NXPE2: variants seen among roughly 807,000 people sequenced by gnomAD.
NXPE2 encodes neurexophilin and PC-esterase domain family member 2, also known as NXPE family member 2.
Under a neutral mutation model 34.4 loss-of-function variants are expected in NXPE2, and 34 were observed. The ratio of observed to expected loss-of-function variants is 0.99; its 90% CI spans 0.75 to 1.31. NXPE2 has a LOEUF of 1.31. NXPE2 is among the 40% of genes most tolerant of loss of function. NXPE2 has a pLI of 0.00. For synonymous variants in NXPE2, 235 were observed against 231.3 expected (o/e 1.02, Z -0.15); for missense variants, 649 against 672.5 (o/e 0.97, Z 0.39).
the NXPE2 span, among the ~76,000 whole-genome samples, chr11:114,502,472 G>A: frequency 2.6e-5 from 4 of 152,010 alleles, no homozygotes; most frequent in African/African-American, 7.3e-5. Flanking sequence ...CTAATGTGCT[G>A]TTTGACCCAT....
At chr11:114,723,633 T>C in the NXPE2 span, among the ~76,000 whole-genome samples, 1 of 152,080 alleles carries the variant, frequency 6.6e-6, no homozygotes, top group African/African-American at 2.4e-5. Flanking sequence ...TACCTTGGCC[T>C]GCCTGGACAG....
chr11:114,596,318 A>G, the NXPE2 span, among the ~76,000 whole-genome samples: 1 of 152,222 alleles, frequency 6.6e-6, no homozygotes, highest in Non-Finnish European at 1.5e-5. Flanking sequence ...TGATGAAAAC[A>G]GTGCTGGAAA....
the NXPE2 span, among the ~76,000 whole-genome samples, chr11:114,791,951 G>A: frequency 2.6e-5 from 4 of 152,172 alleles, no homozygotes; most frequent in Admixed American, 6.5e-5. Context: ...ACAGCTACTC[G>A]GGAGGCTGAG....
chr11:114,648,948 C>CA, the NXPE2 span, among the ~76,000 whole-genome samples: 80,184 of 151,846 alleles, frequency 0.53, 21,440 homozygotes, highest in South Asian at 0.6. Flanking sequence ...TAAGAGGAAA[C>CA]AAAAAAATAT....
the NXPE2 span, among the ~76,000 whole-genome samples, chr11:114,487,275 C>T: frequency 6.6e-6 from 1 of 151,810 alleles, no homozygotes; most frequent in Non-Finnish European, 1.5e-5. Context: ...GAATTACTTC[C>T]TTGATTTCTT....
chr11:114,675,921 A>T (rs1316137263), upstream of NXPE2, among the ~76,000 whole-genome samples: 2 of 152,008 alleles, frequency 1.3e-5, no homozygotes, highest in Non-Finnish European at 2.9e-5. Context: ...ATGGAACCAA[A>T]TAGAGACCCC....
At chr11:114,730,994 C>T in the NXPE2 span, among the ~76,000 whole-genome samples, 1 of 152,118 alleles carries the variant, frequency 6.6e-6, no homozygotes, top group African/African-American at 2.4e-5. Context: ...ATGCTTCCCT[C>T]AGCTTTTGCC....
the NXPE2 span, among the ~76,000 whole-genome samples, chr11:114,809,066 A>C: frequency 6.6e-6 from 1 of 152,230 alleles, no homozygotes; most frequent in East Asian, 1.9e-4. Flanking sequence ...TGTAACCCAG[A>C]ATATAAACAG....
chr11:114,639,266 CGAGCCA>C, the NXPE2 span, among the ~76,000 whole-genome samples: 1 of 151,202 alleles, frequency 6.6e-6, no homozygotes, highest in African/African-American at 2.4e-5. Flanking sequence ...TAGGACCCTC[CGAGCCA>C]GGTGCAGGAT....
the NXPE2 span, among the ~76,000 whole-genome samples, chr11:114,574,696 G>T: frequency 6.6e-6 from 1 of 151,954 alleles, no homozygotes; most frequent in East Asian, 1.9e-4. Flanking sequence ...AGATTGAAAT[G>T]ATAGTTAAAA....
the NXPE2 span, among the ~76,000 whole-genome samples, chr11:114,773,354 CTG>C: frequency 6.7e-6 from 1 of 148,754 alleles, no homozygotes; most frequent in Non-Finnish European, 1.5e-5. Flanking sequence ...ACTCAAACAG[CTG>C]TGTCTTTAAG....
the NXPE2 span, among the ~76,000 whole-genome samples, chr11:114,763,530 A>G: frequency 6.6e-6 from 1 of 152,230 alleles, no homozygotes; most frequent in Admixed American, 6.5e-5. Context: ...GATCCCCATG[A>G]TATAAAGGGA....
At chr11:114,760,354 C>G in the NXPE2 span, among the ~76,000 whole-genome samples, 7 of 152,190 alleles carry the variant, frequency 4.6e-5, no homozygotes, top group Non-Finnish European at 1.0e-4. Flanking sequence ...TCCTAGACTT[C>G]CCAGCTTCCA....
chr11:114,806,945 A>G, the NXPE2 span, among the ~76,000 whole-genome samples: 8 of 151,476 alleles, frequency 5.3e-5, no homozygotes, highest in African/African-American at 1.2e-4. Flanking sequence ...CAGAGAGAAA[A>G]GTCGGGTTAC....
the NXPE2 span, among the ~76,000 whole-genome samples, chr11:114,490,838 C>T: frequency 1.1e-4 from 17 of 152,184 alleles, no homozygotes; most frequent in African/African-American, 3.9e-4. Flanking sequence ...CAACAAAAGC[C>T]AAAATGTACA....
At chr11:114,691,034 G>A (rs890327863) in intron 2 of NXPE2, among the ~76,000 whole-genome samples, 3 of 151,812 alleles carry the variant, frequency 2.0e-5, no homozygotes, top group Non-Finnish European at 2.9e-5. Flanking sequence ...ATCTTGTTGA[G>A]TTTCCTTGCC....
chr11:114,640,025 G>T, the NXPE2 span, among the ~76,000 whole-genome samples: 1 of 115,490 alleles, frequency 8.7e-6, no homozygotes, highest in Non-Finnish European at 1.6e-5. Flanking sequence ...ATTTTATAAT[G>T]TAACATAATT....
At chr11:114,602,798 CAT>C in the NXPE2 span, among the ~76,000 whole-genome samples, 23 of 140,438 alleles carry the variant, frequency 1.6e-4, no homozygotes, top group East Asian at 4.2e-4. Flanking sequence ...ATAATTATCT[CAT>C]ATAATTACAG....
chr11:114,561,680 C>G, the NXPE2 span, among the ~76,000 whole-genome samples: 1 of 152,254 alleles, frequency 6.6e-6, no homozygotes, highest in Non-Finnish European at 1.5e-5. Flanking sequence ...TATGAAATGT[C>G]TGATGTCAAA....
Sources: allele counts gnomAD v4.1 joint callset (sites outside exome capture counted in the v4.1 genomes callset), GRCh38; gene constraint gnomAD v4.1.1; transcripts MANE v1.5; gene names NCBI Gene and HGNC (gene_info 2026-07-23, HGNC 2026-07-21).